Variants in DENND1A observed in about 807,000 individuals in gnomAD.
DENND1A encodes DENN domain-containing protein 1A.
In DENND1A, 51 loss-of-function variants were observed where a neutral mutation model predicts 113.7. The observed-to-expected ratio is 0.45, with a 90% confidence interval of 0.36 to 0.57. The LOEUF (loss-of-function observed/expected upper bound fraction) is 0.57. DENND1A is among the 20% of genes least tolerant of loss of function. The pLI is 0.00. For missense variants in DENND1A, 1,258 were observed against 1,395.9 expected (o/e 0.90, Z 1.57); for synonymous variants, 565 against 570.8 (o/e 0.99, Z 0.14).
chr9:123,523,819 G>A (rs556734631), intron 13 of DENND1A, among the ~76,000 whole-genome samples: 32 of 152,246 alleles, frequency 2.1e-4, no homozygotes, highest in African/African-American at 6.7e-4. Context: ...AAAGCACCTC[G>A]GTCTGCTCTT....
intron 9 of DENND1A, among the ~76,000 whole-genome samples, chr9:123,643,713 A>G (rs753096208): frequency 1.3e-5 from 2 of 152,242 alleles, no homozygotes; most frequent in African/African-American, 4.8e-5. Context: ...AAGTCTAAGA[A>G]GGCATGGGCA....
chr9:123,674,716 C>T lies in DENND1A; in HGVS notation c.372+2004G>A, dbSNP rs76236230. Among the ~76,000 whole-genome samples, 704 of 152,292 alleles carry T rather than the reference C, an allele frequency of 4.6e-3. 6 individuals carry two copies. Among genetic ancestry groups the T allele is most frequent in the Non-Finnish European group, 7.2e-3 (488 of 68,032 alleles). On this transcript the variant is annotated intron_variant, in intron 6 of 23. Transcript: ENST00000394215. ...AGCAATCGCCCAGAGGAAAGGTTCA[C>T]CAGTTTTACACGGTAATAATCCAAT...
intron 5 of DENND1A, among the ~76,000 whole-genome samples, chr9:123,744,086 A>C (rs959946282): frequency 6.6e-6 from 1 of 152,242 alleles, no homozygotes; most frequent in African/African-American, 2.4e-5. Context: ...AAATATGTAA[A>C]TTATTGTGCA....
rs1366561168 is a variant in DENND1A, at chr9:123,381,057, G to C, written c.*375C>G. On this transcript the variant is annotated 3_prime_UTR_variant, in exon 24 of 24. Transcript: ENST00000394215. This position sits in a 1 kb window ranked among gnomAD's most constrained non-coding sequence, Gnocchi z 4.7. ...GGCTGTGGAGGAGACAGGAGAGCTG[G>C]GCTCGGAGGGGAGGCCTTCGGAGCC... 3.4e-5 allele frequency: 8 copies of C among 236,624 alleles called. No individual in the cohort carries two copies. The highest frequency in any genetic ancestry group is 6.6e-5 in the Non-Finnish European group (8 of 120,726). 14.7% of individuals were successfully genotyped at this position (236,624 alleles called of 1,614,324 possible). A position where few individuals can be genotyped will look rare whatever the true frequency, so the allele number is the denominator to read the frequency against.
At chr9:123,897,297 G>A (rs1464088093) in intron 1 of DENND1A, among the ~76,000 whole-genome samples, 1 of 152,190 alleles carries the variant, frequency 6.6e-6, no homozygotes, top group Non-Finnish European at 1.5e-5. Flanking sequence ...ATAGACTCAA[G>A]GCAGCCCAAA....
At chr9:123,880,380 T>C (rs1033385865) in intron 1 of DENND1A, among the ~76,000 whole-genome samples, 1 of 152,242 alleles carries the variant, frequency 6.6e-6, no homozygotes, top group Non-Finnish European at 1.5e-5. Flanking sequence ...TGTGGTTATA[T>C]TATTTTTACA....
intron 1 of DENND1A, among the ~76,000 whole-genome samples, chr9:123,918,292 T>C (rs1465144484): frequency 6.7e-6 from 1 of 149,882 alleles, no homozygotes; most frequent in African/African-American, 2.5e-5. Context: ...ATCGAGACCA[T>C]CCTGGCTAAC....
chr9:123,551,171 C>T (rs1294847866), intron 13 of DENND1A, among the ~76,000 whole-genome samples: 1 of 152,174 alleles, frequency 6.6e-6, no homozygotes, highest in African/African-American at 2.4e-5. Context: ...TGATTTTCTC[C>T]AGGTGACCGA....
At chr9:123,393,893 C>T (rs959691760) in intron 21 of DENND1A, among the ~76,000 whole-genome samples, 1 of 152,180 alleles carries the variant, frequency 6.6e-6, no homozygotes, top group Admixed American at 6.5e-5. Flanking sequence ...AGGTCCTTCC[C>T]GCCCCACTGG....
At chr9:123,715,760 A>G (rs1256495509) in intron 5 of DENND1A, among the ~76,000 whole-genome samples, 1 of 152,150 alleles carries the variant, frequency 6.6e-6, no homozygotes. Context: ...ACCTCCGCTC[A>G]CTGCAGCCTT....
intron 2 of DENND1A, among the ~76,000 whole-genome samples, chr9:123,871,057 C>A (rs891147196): frequency 2.0e-5 from 3 of 152,166 alleles, no homozygotes; most frequent in African/African-American, 7.2e-5. Flanking sequence ...CGCCATACCA[C>A]TTCTCAGGAG....
rs577558504 is a variant in DENND1A, at chr9:123,669,782, C to T, written c.453+1509G>A. ...ATCTTTTCCAGATGGTCTCCCCTGCCGTATGAGAATTTTTGTAACAAGGTT... is the reference window on the plus strand; with the variant it reads ...ATCTTTTCCAGATGGTCTCCCCTGCTGTATGAGAATTTTTGTAACAAGGTT... On this transcript the variant is annotated intron_variant, in intron 7 of 23. Coordinates refer to ENST00000394215, the MANE Select transcript of DENND1A (RefSeq NM_001352964.2). Among the ~76,000 whole-genome samples, 10 of 152,290 alleles carry T rather than the reference C, an allele frequency of 6.6e-5. No individual in the cohort carries two copies. In the East Asian group the frequency reaches 1.2e-3, roughly 18 times the overall value.
intron 13 of DENND1A, among the ~76,000 whole-genome samples, chr9:123,537,754 A>G (rs2055895867): frequency 4.6e-5 from 7 of 152,240 alleles, no homozygotes; most frequent in Admixed American, 3.9e-4. Flanking sequence ...GAAGAAAATG[A>G]AGTAACACAT....
chr9:123,432,539 G>A (rs1176723545), intron 19 of DENND1A, among the ~76,000 whole-genome samples: 3 of 152,238 alleles, frequency 2.0e-5, no homozygotes, highest in Non-Finnish European at 4.4e-5. Flanking sequence ...GCTGGAGGGA[G>A]CGGAGTGGGG....
intron 6 of DENND1A, among the ~76,000 whole-genome samples, chr9:123,673,237 T>C (rs185497522): frequency 5.8e-4 from 89 of 152,372 alleles, no homozygotes; most frequent in Non-Finnish European, 1.1e-3. Context: ...ATTCACACTT[T>C]GTGTAAATAT....
rs1847930831 is a variant in DENND1A at position 123,879,033 on chromosome 9, A to G, written c.18-12T>C. On this transcript the variant is annotated splice_polypyrimidine_tract_variant and intron_variant, in intron 1 of 23. Coordinates refer to ENST00000394215, the MANE Select transcript of DENND1A (RefSeq NM_001352964.2). The stretch of plus-strand genomic sequence containing the variant: ...TCTCTGGATTCTGCCTACAAAAGAA[A>G]CAGATCATGATTACTGACAAAGATT... 1.2e-6 allele frequency: 2 copies of G among 1,613,574 alleles called. No individual in the cohort carries two copies. Among genetic ancestry groups the G allele is most frequent in the Non-Finnish European group, 1.7e-6 (2 of 1,179,744 alleles).
At chr9:123,489,382 A>T (rs1260304479) in intron 13 of DENND1A, among the ~76,000 whole-genome samples, 1 of 152,234 alleles carries the variant, frequency 6.6e-6, no homozygotes, top group East Asian at 1.9e-4. Flanking sequence ...GATCCTGACC[A>T]GGTCTCCACC....
At chr9:123,573,582 T>C (rs1342637873) in intron 12 of DENND1A, among the ~76,000 whole-genome samples, 1 of 152,140 alleles carries the variant, frequency 6.6e-6, no homozygotes, top group Admixed American at 6.5e-5. Context: ...CTTTAAAAAA[T>C]CTCATTTTCA....
At chr9:123,722,490 C>G (rs953629576) in intron 5 of DENND1A, among the ~76,000 whole-genome samples, 1 of 152,110 alleles carries the variant, frequency 6.6e-6, no homozygotes, top group Non-Finnish European at 1.5e-5. Flanking sequence ...GAGACCTTTG[C>G]GACAGCTCCT....
Sources: gnomAD v4.1 joint callset for allele counts (sites outside exome capture counted in the v4.1 genomes callset) on GRCh38, gnomAD v4.1.1 for gene constraint, Gnocchi (gnomAD v3.1) non-coding constraint, MANE v1.5 for transcripts, NCBI Gene and HGNC (gene_info 2026-07-23, HGNC 2026-07-21) for gene names.